Variants in TANC2 observed in about 807,000 individuals in gnomAD.
TANC2 encodes tetratricopeptide repeat, ankyrin repeat and coiled-coil containing 2.
Under a neutral mutation model 210.5 loss-of-function variants are expected in TANC2, and 26 were observed. That is an observed-to-expected ratio of 0.12 (90% confidence interval 0.09 to 0.17). TANC2 has a LOEUF of 0.17. TANC2 is among the 10% of genes least tolerant of loss of function. TANC2 has a pLI of 1.00. For synonymous variants in TANC2, 931 were observed against 967.1 expected (o/e 0.96, Z 0.69); for missense variants, 2,129 against 2,608.9 (o/e 0.82, Z 4.01).
chr17:63,150,104 C>T (rs1261244561), intron 4 of TANC2: 1 of 152,000 alleles, frequency 6.6e-6, no homozygotes, highest in African/African-American at 2.4e-5. Context: ...TTACTTTTTA[C>T]AGGGTCTTTT....
intron 2 of TANC2, among the ~76,000 whole-genome samples, chr17:63,031,714 T>C (rs2034777303): frequency 6.6e-6 from 1 of 152,134 alleles, no homozygotes; most frequent in South Asian, 2.1e-4. Flanking sequence ...AGTAGAGTAT[T>C]GGGGGACACA....
At chr17:63,180,055 T>G (rs1210473011) in intron 5 of TANC2, among the ~76,000 whole-genome samples, 3 of 151,458 alleles carry the variant, frequency 2.0e-5, no homozygotes, top group African/African-American at 7.3e-5. Context: ...GTGGGAGGAT[T>G]GCTTGGGCCC....
Position 62,987,887 on chromosome 17 carries a change from G to GT in TANC2, c.-24+21146dup, listed in dbSNP as rs536768961. Reference sequence around the variant, plus strand: ...TCAGCTATCTTGCTGAAGTCACTGAGTTTTTTTTGTTTGTTTTGTTTGCCG... The same window carrying GT: ...TCAGCTATCTTGCTGAAGTCACTGAGTTTTTTTTTGTTTGTTTTGTTTGCCG... On this transcript the variant is annotated intron_variant, in intron 1 of 27. Transcript: ENST00000689528. Among the ~76,000 whole-genome samples the GT allele has an allele frequency of 1.6e-4, 25 of 151,974 alleles. 1 individual carries two copies. The South Asian group carries it at 4.8e-3, about 29-fold the overall frequency.
intron 2 of TANC2, among the ~76,000 whole-genome samples, chr17:63,013,837 C>G (rs1359559755): frequency 2.0e-5 from 3 of 147,744 alleles, no homozygotes; most frequent in Non-Finnish European, 3.0e-5. Context: ...TTTCTTGACT[C>G]TGCGGCATGA....
chr17:63,412,719 AC>A lies in TANC2; in HGVS notation c.3928+12del, dbSNP rs1288834523. 12 of 1,533,740 alleles carry A rather than the reference AC, an allele frequency of 7.8e-6. No homozygotes were observed. The African/African-American group carries it at 1.4e-4, about 18-fold the overall frequency. On this transcript the variant is annotated intron_variant, in intron 24 of 27. Transcript: ENST00000689528. This position sits in a 1 kb window ranked among gnomAD's most constrained non-coding sequence, Gnocchi z 4.2. The stretch of plus-strand genomic sequence containing the variant: ...CCGAGTCGCCCACGAGGTATATTTC[AC>A]CGCTGTCAGCATCAGGCGTGGTCTG...
chr17:63,364,257 G>T (rs2047046942), intron 14 of TANC2, among the ~76,000 whole-genome samples: 1 of 152,116 alleles, frequency 6.6e-6, no homozygotes, highest in South Asian at 2.1e-4. Flanking sequence ...TTTTGTCTCA[G>T]CATAAATCAT....
intron 12 of TANC2, among the ~76,000 whole-genome samples, chr17:63,348,104 A>G (rs1232607236): frequency 6.6e-6 from 1 of 152,158 alleles, no homozygotes; most frequent in Non-Finnish European, 1.5e-5. Context: ...AGGAAAGATA[A>G]CTCAGATATT....
At position 63,350,637 on chromosome 17, in the gene TANC2, C is replaced by T. The variant is rs545311066; in HGVS notation, c.1808-613C>T. ...ATCATGCAAGGGACTGGTCTCATTG[C>T]GGCTGCTTTAGGTATAGTCTAGGAA... On this transcript the variant is annotated intron_variant, in intron 12 of 27. Transcript: ENST00000689528. 2.6e-5 allele frequency among the ~76,000 whole-genome samples: 4 copies of T among 152,250 alleles called. No homozygotes were observed. In the South Asian group the frequency reaches 6.2e-4, roughly 24 times the overall value.
At chr17:63,014,828 A>G (rs2034033646) in intron 2 of TANC2, among the ~76,000 whole-genome samples, 1 of 152,132 alleles carries the variant, frequency 6.6e-6, no homozygotes, top group Non-Finnish European at 1.5e-5. Context: ...TCTAATATTT[A>G]TTCCCTGGTT....
At chr17:63,002,797 C>T (rs142005842) in intron 1 of TANC2, among the ~76,000 whole-genome samples, 8 of 152,214 alleles carry the variant, frequency 5.3e-5, no homozygotes, top group Non-Finnish European at 7.4e-5. Context: ...TGTGATTTAT[C>T]TGTGTTGACT....
intron 4 of TANC2, among the ~76,000 whole-genome samples, chr17:63,141,029 C>G (rs752684410): frequency 1.3e-5 from 2 of 151,626 alleles, no homozygotes; most frequent in Non-Finnish European, 2.9e-5. Flanking sequence ...GGATTACAGG[C>G]GCAAGCCACC....
At chr17:63,160,887 T>G (rs2040002597) in intron 5 of TANC2, among the ~76,000 whole-genome samples, 1 of 152,206 alleles carries the variant, frequency 6.6e-6, no homozygotes, top group South Asian at 2.1e-4. Context: ...TGTATCACTT[T>G]AACCCCCCAT....
chr17:63,103,336 A>G lies in TANC2; in HGVS notation c.322+3979A>G, dbSNP rs190409435. On this transcript the variant is annotated intron_variant, in intron 4 of 27. Coordinates refer to ENST00000689528, the Ensembl canonical transcript of TANC2. ...TTTCCAAATAGTTTGACTCATTTTC[A>G]GTCTGGAGGGAGTAAGAATGGGTAA... Among the ~76,000 whole-genome samples, 313 of 152,300 alleles carry G rather than the reference A, an allele frequency of 2.1e-3. 5 individuals are homozygous for G. Among genetic ancestry groups the G allele is most frequent in the Non-Finnish European group, 8.1e-4 (55 of 68,010 alleles).
At chr17:62,990,822 G>GT in intron 1 of TANC2, among the ~76,000 whole-genome samples, 1 of 152,070 alleles carries the variant, frequency 6.6e-6, no homozygotes, top group East Asian at 1.9e-4. Context: ...TTGGTGGGTA[G>GT]TTGACAGAGT....
intron 4 of TANC2, among the ~76,000 whole-genome samples, chr17:63,121,221 A>G (rs2038462510): frequency 6.6e-6 from 1 of 152,074 alleles, no homozygotes; most frequent in Non-Finnish European, 1.5e-5. Context: ...GTTTTTTATC[A>G]CTCCAACATT....
chr17:63,169,483 T>C (rs1464281851), intron 5 of TANC2, among the ~76,000 whole-genome samples: 2 of 152,214 alleles, frequency 1.3e-5, no homozygotes, highest in Non-Finnish European at 2.9e-5. Context: ...TTCTCCCTGA[T>C]ACTGTCTTGG....
chr17:63,098,896 T>A (rs910216541), intron 3 of TANC2, among the ~76,000 whole-genome samples: 21 of 152,152 alleles, frequency 1.4e-4, no homozygotes, highest in African/African-American at 4.8e-4. Flanking sequence ...ATACAACTTA[T>A]GTGGAAATTA....
At chr17:63,098,885 T>C (rs2037515802) in intron 3 of TANC2, among the ~76,000 whole-genome samples, 1 of 152,140 alleles carries the variant, frequency 6.6e-6, no homozygotes, top group Admixed American at 6.6e-5. Flanking sequence ...ATCATTTCTT[T>C]ATACAACTTA....
chr17:63,147,979 A>G (rs948134327), intron 4 of TANC2, among the ~76,000 whole-genome samples: 5 of 152,202 alleles, frequency 3.3e-5, no homozygotes, highest in Non-Finnish European at 7.3e-5. Flanking sequence ...ATGTTTTTAG[A>G]ACATTTATTC....
Sources: gnomAD v4.1 joint callset for allele counts (sites outside exome capture counted in the v4.1 genomes callset) on GRCh38, gnomAD v4.1.1 for gene constraint, Gnocchi (gnomAD v3.1) non-coding constraint, MANE v1.5 for transcripts, NCBI Gene and HGNC (gene_info 2026-07-23, HGNC 2026-07-21) for gene names.